The following SMC5 variants were observed in gnomAD, a reference collection of about 807,000 sequenced individuals.
SMC5 encodes structural maintenance of chromosomes protein 5.
In SMC5, 88 loss-of-function variants were observed where a neutral mutation model predicts 148.3. That is an observed-to-expected ratio of 0.59 (90% confidence interval 0.50 to 0.71). The LOEUF (loss-of-function observed/expected upper bound fraction) is 0.71. Among genes scored for constraint, SMC5 ranks in the 30% least tolerant of loss-of-function variants. SMC5 has a pLI of 0.00. For synonymous variants in SMC5, 421 were observed against 432.8 expected, an observed-to-expected ratio of 0.97 and a Z score of 0.34; for missense variants, 1,142 against 1,298.9, an observed-to-expected ratio of 0.88 and a Z score of 1.86.
intron 3 of SMC5, among the ~76,000 whole-genome samples, chr9:70,273,082 C>T (rs754498581): frequency 5.3e-5 from 8 of 151,490 alleles, no homozygotes; most frequent in Non-Finnish European, 1.2e-4. Flanking sequence ...TTTTTACATC[C>T]GTATTTTGTT....
intron 3 of SMC5, among the ~76,000 whole-genome samples, chr9:70,273,974 A>G (rs77478900): frequency 0.13 from 19,844 of 152,242 alleles, 1,669 homozygotes; most frequent in African/African-American, 0.23. Flanking sequence ...TGTCAGATTG[A>G]TACCTTAATT....
At chr9:70,301,085 A>G (rs575155409) in intron 10 of SMC5, among the ~76,000 whole-genome samples, 9 of 152,268 alleles carry the variant, frequency 5.9e-5, no homozygotes, top group African/African-American at 2.2e-4. Context: ...CATATGTGTT[A>G]TTAGAATATT....
At chr9:70,260,930 A>G (rs2034107828) in intron 1 of SMC5, among the ~76,000 whole-genome samples, 2 of 152,126 alleles carry the variant, frequency 1.3e-5, no homozygotes, top group South Asian at 4.2e-4. Context: ...TTTTGTAGAG[A>G]TGGGGTTTCA....
At position 70,298,016 on chromosome 9, in the gene SMC5, C is replaced by T. The variant is rs565185553; in HGVS notation, c.1104C>T (p.Asp368=). ...TAGTAAAGCAAAATGAAGAGCTTGA[C>T]CGACAGAGGAGAATAGGTAATACCC... ...ALIVKQNEEL[D]RQRRIGNTRK... is the part of the protein sequence containing the mutation. Residue 368 remains aspartate, a synonymous_variant, in exon 9 of 25, where the codon GAC becomes GAT. Coordinates refer to ENST00000361138, the MANE Select transcript of SMC5 (RefSeq NM_015110.4). The T allele has an allele frequency of 6.2e-7, 1 of 1,613,808 alleles. No individual in the cohort carries two copies. The highest frequency in any genetic ancestry group is 2.2e-5 in the East Asian group (1 of 44,862).
At chr9:70,343,606 A>G (rs1354204465) in intron 17 of SMC5, among the ~76,000 whole-genome samples, 1 of 152,120 alleles carries the variant, frequency 6.6e-6, no homozygotes, top group East Asian at 1.9e-4. Flanking sequence ...ACTTGAGGCC[A>G]GGAGTTGGAG....
chr9:70,270,754 C>G (rs1194026003), intron 3 of SMC5, among the ~76,000 whole-genome samples: 3 of 142,104 alleles, frequency 2.1e-5, no homozygotes, highest in Non-Finnish European at 4.5e-5. Flanking sequence ...TCAAGTGATT[C>G]TTCCACCTCA....
intron 8 of SMC5, among the ~76,000 whole-genome samples, chr9:70,293,450 A>G (rs577438574): frequency 1.4e-5 from 2 of 147,396 alleles, no homozygotes; most frequent in Non-Finnish European, 3.0e-5. Flanking sequence ...TTTCCGTTTC[A>G]TTGATGTCTG....
At chr9:70,265,739 A>G (rs1181221490) in intron 2 of SMC5, among the ~76,000 whole-genome samples, 1 of 152,222 alleles carries the variant, frequency 6.6e-6, no homozygotes, top group Non-Finnish European at 1.5e-5. Flanking sequence ...TAGGAAAAAC[A>G]GACTTTAGAG....
intron 8 of SMC5, among the ~76,000 whole-genome samples, 157 bp downstream of exon 8, chr9:70,286,428 A>T (rs570897805): frequency 6.6e-6 from 1 of 152,328 alleles, no homozygotes; most frequent in East Asian, 1.9e-4. Context: ...GAAGTATAGT[A>T]GTTGCTCAGA....
intron 5 of SMC5, among the ~76,000 whole-genome samples, chr9:70,279,021 A>G (rs1587632014): frequency 6.6e-6 from 1 of 152,158 alleles, no homozygotes; most frequent in Non-Finnish European, 1.5e-5. Context: ...CGTTGAACCA[A>G]TTCTCTCATG....
At chr9:70,273,498 C>T (rs1486382572) in intron 3 of SMC5, among the ~76,000 whole-genome samples, 1 of 151,790 alleles carries the variant, frequency 6.6e-6, no homozygotes, top group Non-Finnish European at 1.5e-5. Context: ...TTTTCTATTT[C>T]ATTAATTTCT....
Position 70,335,837 on chromosome 9 carries a change from C to CA in SMC5, c.2398-8298dup, listed in dbSNP as rs554590623. Reference sequence around the variant, plus strand: ...AGGGAAGAAAACTGAAATGAGTTACCAAAAAAAAATTAAGTTAGAGTTTTA... The same window carrying CA: ...AGGGAAGAAAACTGAAATGAGTTACCAAAAAAAAAATTAAGTTAGAGTTTTA... On this transcript the variant is annotated intron_variant, in intron 17 of 24. Transcript: ENST00000361138. 4.6e-5 allele frequency among the ~76,000 whole-genome samples: 7 copies of CA among 150,708 alleles called. No homozygotes were observed. The East Asian group carries it at 9.7e-4, about 21-fold the overall frequency.
At chr9:70,318,008 G>T (rs2035848602) in intron 13 of SMC5, among the ~76,000 whole-genome samples, 1 of 152,130 alleles carries the variant, frequency 6.6e-6, no homozygotes. Context: ...AACTACTTGG[G>T]AGAGTTGTAT....
Position 70,278,775 on chromosome 9 carries a change from G to C in SMC5, c.678+150G>C, listed in dbSNP as rs150206208. On this transcript the variant is annotated intron_variant, in intron 5 of 24. Transcript: ENST00000361138. ...GATTGTACTGCTAATATCAGTTAAAGTGACAGAGTGAGAATGGATCTAATA... is the reference window on the plus strand; with the variant it reads ...GATTGTACTGCTAATATCAGTTAAACTGACAGAGTGAGAATGGATCTAATA... The C allele has an allele frequency of 1.2e-3, 830 of 674,620 alleles. 6 individuals carry two copies. In the African/African-American group the frequency reaches 0.014, roughly 11 times the overall value. The allele number at this position is 674,620 out of a possible 1,614,324, so 41.8% of individuals were successfully genotyped here.
chr9:70,335,846 A>AT (rs2036341854), intron 17 of SMC5, among the ~76,000 whole-genome samples: 1 of 152,210 alleles, frequency 6.6e-6, no homozygotes, highest in Non-Finnish European at 1.5e-5. Context: ...CCAAAAAAAA[A>AT]TTAAGTTAGA....
rs1012878615 is a variant in SMC5 at position 70,346,798 on chromosome 9, A to G, written c.2568+149A>G. The G allele has an allele frequency of 8.3e-6, 7 of 843,336 alleles. No homozygotes were observed. In the African/African-American group the frequency reaches 1.2e-4, roughly 14 times the overall value. The allele number at this position is 843,336 out of a possible 1,614,324, so 52.2% of individuals were successfully genotyped here. A position where few individuals can be genotyped will look rare whatever the true frequency, so the allele number is the denominator to read the frequency against. On this transcript the variant is annotated intron_variant, in intron 19 of 24. Transcript: ENST00000361138. ...GCATGAACTGATACTTCTTTTCTCT[A>G]AATTCCTAGCCTATATGATATGTAC...
At position 70,282,662 on chromosome 9, in the gene SMC5, T is replaced by C. The variant is rs1290213510; in HGVS notation, c.981+79T>C. 4 of 1,369,558 alleles carry C rather than the reference T, an allele frequency of 2.9e-6. No individual in the cohort carries two copies. The African/African-American group carries it at 6.0e-5, about 21-fold the overall frequency. 84.8% of individuals were successfully genotyped at this position (1,369,558 alleles called of 1,614,324 possible). A position where few individuals can be genotyped will look rare whatever the true frequency, so the allele number is the denominator to read the frequency against. ...AAAATATTTTGCAGGTGTTTGAAAA[T>C]ATTTTCAAGGGTTTTCTTGTATCTT... is the stretch of plus-strand genomic sequence containing the variant. On this transcript the variant is annotated intron_variant, in intron 7 of 24. Transcript: ENST00000361138.
chr9:70,342,704 T>C (rs993757314), intron 17 of SMC5, among the ~76,000 whole-genome samples: 1 of 152,214 alleles, frequency 6.6e-6, no homozygotes, highest in African/African-American at 2.4e-5. Flanking sequence ...GTAACAGTGC[T>C]TGACCTACAG....
At chr9:70,291,418 C>T (rs1226278385) in intron 8 of SMC5, among the ~76,000 whole-genome samples, 1 of 152,170 alleles carries the variant, frequency 6.6e-6, no homozygotes, top group Admixed American at 6.5e-5. Context: ...TATTTGCACA[C>T]AACCACAAAG....
Sources: allele counts gnomAD v4.1 joint callset (sites outside exome capture counted in the v4.1 genomes callset), GRCh38; gene constraint gnomAD v4.1.1; transcripts MANE v1.5; gene names NCBI Gene and HGNC (gene_info 2026-07-23, HGNC 2026-07-21).